ZNG1C: variants seen among roughly 807,000 people sequenced by gnomAD.
ZNG1C encodes the protein Zn regulated GTPase metalloprotein activator 1C.
chr9:68,290,696 ATT>A, the ZNG1C span, among the ~76,000 whole-genome samples: 1 of 135,690 alleles, frequency 7.4e-6, no homozygotes, highest in Admixed American at 7.5e-5. Flanking sequence ...GACTAAATTT[ATT>A]TTTTTTTAAC....
chr9:68,294,200 G>A, the ZNG1C span, among the ~76,000 whole-genome samples: 1 of 134,478 alleles, frequency 7.4e-6, no homozygotes, highest in African/African-American at 2.8e-5. Context: ...AAAGTTCATA[G>A]CCCTAAATGC....
At chr9:68,265,043 A>AT in the ZNG1C span, among the ~76,000 whole-genome samples, 1 of 98,028 alleles carries the variant, frequency 1.0e-5, no homozygotes, top group South Asian at 3.4e-4. Context: ...TTTTTATTTT[A>AT]TTTATTTTAT....
chr9:68,275,324 T>A, the ZNG1C span, among the ~76,000 whole-genome samples: 72,321 of 122,584 alleles, frequency 0.59, 20,308 homozygotes, highest in Middle Eastern at 0.72. Flanking sequence ...AGTTTTTTTT[T>A]AATTTATTTA....
the ZNG1C span, among the ~76,000 whole-genome samples, chr9:68,287,601 A>C: frequency 3.3e-5 from 5 of 152,380 alleles, no homozygotes; most frequent in African/African-American, 1.2e-4. Flanking sequence ...TAAGAGTAGA[A>C]TAGTATAATG....
chr9:68,282,084 ATTTCT>A, the ZNG1C span, among the ~76,000 whole-genome samples: 1 of 121,080 alleles, frequency 8.3e-6, no homozygotes, highest in Non-Finnish European at 1.7e-5. Flanking sequence ...TCCTATATAT[ATTTCT>A]TTTCTTTTTA....
At chr9:68,249,414 C>T in the ZNG1C span, among the ~76,000 whole-genome samples, 1 of 94,406 alleles carries the variant, frequency 1.1e-5, no homozygotes, top group African/African-American at 4.3e-5. Flanking sequence ...TATTATACTG[C>T]ATTGATAAGG....
At chr9:68,249,213 C>G in the ZNG1C span, among the ~76,000 whole-genome samples, 2 of 151,540 alleles carry the variant, frequency 1.3e-5, no homozygotes, top group East Asian at 3.9e-4. Flanking sequence ...CTTCTAAGTA[C>G]AGTTGTCCCT....
chr9:68,267,151 CA>C, the ZNG1C span, among the ~76,000 whole-genome samples: 1 of 152,256 alleles, frequency 6.6e-6, no homozygotes, highest in African/African-American at 2.4e-5. Context: ...CGTGATGGCT[CA>C]AAATTACTAT....
At chr9:68,295,326 ATAAAT>A in the ZNG1C span, among the ~76,000 whole-genome samples, 4 of 60,846 alleles carry the variant, frequency 6.6e-5, no homozygotes, top group Non-Finnish European at 1.1e-4. Flanking sequence ...TCAACCCAAG[ATAAAT>A]TAAAGACTTA....
At chr9:68,270,882 CAAAA>C in the ZNG1C span, 3 of 96,204 alleles carry the variant, frequency 3.1e-5, no homozygotes, top group Non-Finnish European at 6.5e-5. Context: ...GACTCTGTCT[CAAAA>C]AAAAAAAAAC....
At chr9:68,291,694 C>A in the ZNG1C span, among the ~76,000 whole-genome samples, 5 of 147,218 alleles carry the variant, frequency 3.4e-5, no homozygotes, top group Non-Finnish European at 7.5e-5. Context: ...TTTTAGTCTG[C>A]TTGTACTTCT....
the ZNG1C span, chr9:68,251,105 C>CAAAA: frequency 4.6e-6 from 1 of 218,370 alleles, no homozygotes; most frequent in African/African-American, 3.7e-5. Flanking sequence ...AAAAAAAAAG[C>CAAAA]TGTGTTTATA....
chr9:68,292,068 T>C, the ZNG1C span, among the ~76,000 whole-genome samples: 1 of 151,824 alleles, frequency 6.6e-6, no homozygotes, highest in Non-Finnish European at 1.5e-5. Flanking sequence ...GTGGCTAGAT[T>C]CAGAAGAGAG....
chr9:68,285,866 A>G, the ZNG1C span: 1 of 541,698 alleles, frequency 1.8e-6, no homozygotes, highest in Non-Finnish European at 3.3e-6. Context: ...GTAAAATTGG[A>G]ATTACAGAAT....
chr9:68,267,482 GCTTATTTACCCTTTTAAAGCCTC>G, the ZNG1C span, among the ~76,000 whole-genome samples: 1 of 107,320 alleles, frequency 9.3e-6, no homozygotes, highest in Non-Finnish European at 2.0e-5. Context: ...TTCTTAGGGA[GCTTATTTACCCTTTTAAAGCCTC>G]CTCTGTAAAA....
At chr9:68,275,378 G>A in the ZNG1C span, among the ~76,000 whole-genome samples, 1 of 148,766 alleles carries the variant, frequency 6.7e-6, no homozygotes, top group African/African-American at 2.4e-5. Context: ...ACAATGTGCA[G>A]GTTAGTTACA....
At chr9:68,290,139 A>G in the ZNG1C span, among the ~76,000 whole-genome samples, 1 of 103,928 alleles carries the variant, frequency 9.6e-6, no homozygotes, top group African/African-American at 4.0e-5. Context: ...GGTGTAGGAA[A>G]ACATCTGGTT....
At chr9:68,287,079 G>A in the ZNG1C span, among the ~76,000 whole-genome samples, 3 of 152,200 alleles carry the variant, frequency 2.0e-5, no homozygotes, top group Non-Finnish European at 2.9e-5. Context: ...AACATTTGGA[G>A]CAGCCAGTGT....
chr9:68,291,563 A>AC, the ZNG1C span, among the ~76,000 whole-genome samples: 10,979 of 98,160 alleles, frequency 0.11, 750 homozygotes, highest in South Asian at 0.3. Context: ...TATGTATATT[A>AC]CCACATTTAT....
Sources: gnomAD v4.1 joint callset for allele counts (sites outside exome capture counted in the v4.1 genomes callset) on GRCh38, gnomAD v4.1.1 for gene constraint, MANE v1.5 for transcripts, NCBI Gene and HGNC (gene_info 2026-07-23, HGNC 2026-07-21) for gene names.